LBX2: variants seen among roughly 807,000 people sequenced by gnomAD.
LBX2 encodes the protein ladybird homeobox 2.
LBX2 carries 6 observed loss-of-function variants against 7.5 expected under a neutral mutation model. The ratio of observed to expected loss-of-function variants is 0.80; its 90% CI spans 0.44 to 1.59. The LOEUF is 1.59. Among genes scored for constraint, LBX2 ranks in the 40% most tolerant of loss-of-function variants. The pLI, the probability that LBX2 is intolerant of heterozygous loss-of-function variation, is 0.01. For synonymous variants in LBX2, 143 were observed against 133.2 expected (o/e 1.07, Z -0.51); for missense variants, 281 against 282.0 (o/e 1.00, Z 0.03).
At chr2:74,503,130 G>C (rs979584755), upstream of LBX2, 1 of 422,700 alleles carries the variant, frequency 2.4e-6, no homozygotes, top group East Asian at 4.1e-5. This position sits in a 1 kb window ranked among gnomAD's most constrained non-coding sequence, Gnocchi z 5.1. Context: ...GCCGCGCCGC[G>C]TCCGGGCGCG....
At position 74,499,569 on chromosome 2, in the gene LBX2, G is replaced by C; in HGVS notation, c.-32C>G. On this transcript the variant is annotated 5_prime_UTR_variant, in exon 1 of 2. Transcript: ENST00000377566. This position sits in a 1 kb window ranked among gnomAD's most constrained non-coding sequence, Gnocchi z 4.6. The stretch of plus-strand genomic sequence containing the variant: ...CCGGGCTGGGGCGGTCCGGCTGTCC[G>C]TTGCGCTAGGCTCCGCAAACGCCTG... The C allele has an allele frequency of 6.5e-7, 1 of 1,537,060 alleles. No homozygotes were observed. The highest frequency in any genetic ancestry group is 8.8e-7 in the Non-Finnish European group (1 of 1,138,498).
intron 1 of LBX2, 53 bp from the exon 2 acceptor site, chr2:74,498,371 C>A: frequency 7.0e-7 from 1 of 1,430,862 alleles, no homozygotes; most frequent in Non-Finnish European, 9.1e-7. Flanking sequence ...CAGGCTGGGC[C>A]TGGAAAGAAA....
At chr2:74,498,740 G>A (rs956615386) in intron 1 of LBX2, 2 of 214,334 alleles carry the variant, frequency 9.3e-6, no homozygotes, top group Non-Finnish European at 1.9e-5. Context: ...CTTAGATCAT[G>A]CCCTTCCATG....
chr2:74,502,241 C>T (rs999578280), upstream of LBX2: 9 of 195,558 alleles, frequency 4.6e-5, no homozygotes, highest in African/African-American at 2.1e-4. The surrounding 1 kb of genome is among the most constrained non-coding windows in gnomAD (Gnocchi z 5.4). Flanking sequence ...CTCAGCCCTA[C>T]CCCCACCTTA....
In LBX2 at chr2:74,499,062, C is replaced by T; in HGVS notation, c.205+271G>A. The T allele has an allele frequency of 7.6e-6, 4 of 526,886 alleles. No homozygotes were observed. The South Asian group carries it at 1.1e-4, about 14-fold the overall frequency. The allele number at this position is 526,886 out of a possible 1,614,324, so 32.6% of individuals were successfully genotyped here. On this transcript the variant is annotated intron_variant, in intron 1 of 1. Transcript: ENST00000377566. This position sits in a 1 kb window ranked among gnomAD's most constrained non-coding sequence, Gnocchi z 4.6. ...CTGCCTTTCTCTATCGCGATTGCCCCGCCTACAAGGAACAGAGCAACAGGT... is the reference window on the plus strand; with the variant it reads ...CTGCCTTTCTCTATCGCGATTGCCCTGCCTACAAGGAACAGAGCAACAGGT...
chr2:74,500,223 G>A (rs1478163235), upstream of LBX2, among the ~76,000 whole-genome samples: 1 of 152,108 alleles, frequency 6.6e-6, no homozygotes, highest in Non-Finnish European at 1.5e-5. Flanking sequence ...GAATGGACCC[G>A]AGGCTGCCCC....
upstream of LBX2, chr2:74,503,149 C>G (rs1478116284): frequency 2.1e-4 from 81 of 389,980 alleles, 1 homozygote; most frequent in Non-Finnish European, 9.2e-6. This position sits in a 1 kb window ranked among gnomAD's most constrained non-coding sequence, Gnocchi z 5.1. Context: ...CGTTCTCAGT[C>G]GCGCGAAGCC....
Position 74,499,383 on chromosome 2 carries a change from G to C in LBX2, c.155C>G (p.Thr52Ser). 6.4e-7 allele frequency: 1 copy of C among 1,550,640 alleles called. No homozygotes were observed. The highest frequency in any genetic ancestry group is 8.7e-7 in the Non-Finnish European group (1 of 1,147,010). The change falls in exon 1 of 2, where the codon ACT becomes AGT. Residue 52 changes from threonine (T) to serine (S), a missense_variant. Around this residue, in one of 3 missense-constraint regions of LBX2, gnomAD observed 216 missense variants for 208.7 expected, o/e 1.03. Coordinates refer to ENST00000377566, the MANE Select transcript of LBX2 (RefSeq NM_001282430.2). This position sits in a 1 kb window ranked among gnomAD's most constrained non-coding sequence, Gnocchi z 4.6. Reference protein sequence around the residue: ...TSPLCALEELTSKTFRGLDAR... With the variant: ...TSPLCALEELSSKTFRGLDAR... ...GTCAAGTCCGCGGAAAGTTTTACTA[G>C]TCAGCTCCTCCAGCGCGCACAGCGG...
upstream of LBX2, chr2:74,502,748 C>G: frequency 5.6e-6 from 9 of 1,614,160 alleles, no homozygotes; most frequent in Non-Finnish European, 7.6e-6. This position sits in a 1 kb window ranked among gnomAD's most constrained non-coding sequence, Gnocchi z 5.4. Context: ...CGCCACCCTC[C>G]CGGGCGTGCG....
chr2:74,498,994 C>T (rs1674425447), intron 1 of LBX2: 1 of 353,514 alleles, frequency 2.8e-6, no homozygotes, highest in Non-Finnish European at 5.2e-6. Context: ...TGCAGGCTCA[C>T]TCGTTTACCG....
chr2:74,499,353 C>A lies in LBX2; in HGVS notation c.185G>T (p.Arg62Leu). Residue 62 changes from arginine to leucine, a missense_variant, in exon 1 of 2, where the codon CGC becomes CTC. Coordinates refer to ENST00000377566, the MANE Select transcript of LBX2 (RefSeq NM_001282430.2). The surrounding 1 kb of genome is among the most constrained non-coding windows in gnomAD (Gnocchi z 4.6). ...TATACCTTCAGAGGGCTGCAGAGCG[C>A]GCGCGTCAAGTCCGCGGAAAGTTTT... is the stretch of plus-strand genomic sequence containing the variant. ...TSKTFRGLDARALQPSEGRAG... is the reference protein window; with the variant it reads ...TSKTFRGLDALALQPSEGRAG... The A allele has an allele frequency of 6.4e-7, 1 of 1,550,580 alleles. No individual in the cohort carries two copies. Among genetic ancestry groups the A allele is most frequent in the South Asian group, 1.2e-5 (1 of 84,058 alleles).
upstream of LBX2, chr2:74,499,839 A>C: frequency 2.2e-6 from 1 of 463,266 alleles, no homozygotes; most frequent in East Asian, 3.9e-5. This position sits in a 1 kb window ranked among gnomAD's most constrained non-coding sequence, Gnocchi z 4.6. Context: ...GGGGCGCTGC[A>C]CCGTGCACAG....
At chr2:74,502,658 T>C (rs1452563731), upstream of LBX2, 2 of 1,613,646 alleles carry the variant, frequency 1.2e-6, no homozygotes, top group African/African-American at 1.3e-5. This position sits in a 1 kb window ranked among gnomAD's most constrained non-coding sequence, Gnocchi z 5.4. Flanking sequence ...TATATCTTAG[T>C]TTCGTGACTT....
In LBX2 at chr2:74,498,270, C is replaced by A. The variant is rs756322033; in HGVS notation, c.254G>T (p.Arg85Leu). The A allele has an allele frequency of 1.3e-6, 2 of 1,585,768 alleles. No individual in the cohort carries two copies. The highest frequency in any genetic ancestry group is 1.7e-5 in the Admixed American group (1 of 59,102). Residue 85 changes from arginine (R) to leucine (L), a missense_variant, in exon 2 of 2, where the codon CGG (arginine) becomes CTG (leucine). This residue lies in a region of LBX2 where 216 missense variants were observed against 208.7 expected (regional missense o/e 1.03). Transcript: ENST00000377566. ...GGTGAACGCAGTGCGTGACTTGCGC[C>A]GTTTGCGGCCGAAGGGACCAGGGCC... ...ALGPGPFGRKRRKSRTAFTAQ... is the reference protein window; with the variant it reads ...ALGPGPFGRKLRKSRTAFTAQ...
At position 74,497,731 on chromosome 2, in the gene LBX2, C is replaced by T. The variant is rs1284928001; in HGVS notation, c.*196G>A. 4 of 606,086 alleles carry T rather than the reference C, an allele frequency of 6.6e-6. No homozygotes were observed. The East Asian group carries it at 1.2e-4, about 19-fold the overall frequency. 37.5% of individuals were successfully genotyped at this position (606,086 alleles called of 1,614,324 possible). ...GGTGATCGCTCCACGGCACTCCAGC[C>T]TGGGCGACAGAGCGAGGCCCTGTCT... On this transcript the variant is annotated 3_prime_UTR_variant, in exon 2 of 2. Transcript: ENST00000377566.
chr2:74,498,355 G>C, intron 1 of LBX2, 37 bp from the exon 2 acceptor site: 1 of 1,461,352 alleles, frequency 6.8e-7, no homozygotes, highest in Middle Eastern at 2.5e-4. Context: ...TCCAGCCTCC[G>C]GGAATCAGGC....
chr2:74,502,504 T>TCCGTGAA (rs1197247109), upstream of LBX2: 1 of 680,034 alleles, frequency 1.5e-6, no homozygotes, highest in Non-Finnish European at 2.5e-6. This position sits in a 1 kb window ranked among gnomAD's most constrained non-coding sequence, Gnocchi z 5.4. Context: ...TTAGGAAACG[T>TCCGTGAA]CCGTGAACCG....
At chr2:74,502,512 C>T, upstream of LBX2, 1 of 711,968 alleles carries the variant, frequency 1.4e-6, no homozygotes, top group Non-Finnish European at 2.3e-6. This position sits in a 1 kb window ranked among gnomAD's most constrained non-coding sequence, Gnocchi z 5.4. Flanking sequence ...CGTCCGTGAA[C>T]CGGAGTGAGA....
At chr2:74,501,476 C>T (rs1172836926), upstream of LBX2, 1 of 152,266 alleles carries the variant, frequency 6.6e-6, no homozygotes, top group East Asian at 1.9e-4. Context: ...TCTGTCTCTA[C>T]CTCTGCTCTC....
Sources: allele counts gnomAD v4.1 joint callset (sites outside exome capture counted in the v4.1 genomes callset), GRCh38; gene constraint gnomAD v4.1.1; regional missense constraint gnomAD v4.1.1; non-coding constraint Gnocchi (gnomAD v3.1); transcripts MANE v1.5; gene names NCBI Gene and HGNC (gene_info 2026-07-23, HGNC 2026-07-21).